Variants in NECAB1 observed in about 807,000 individuals in gnomAD.
NECAB1 encodes the protein N-terminal EF-hand calcium-binding protein 1.
NECAB1 carries 29 observed loss-of-function variants against 57.5 expected under a neutral mutation model. The ratio of observed to expected loss-of-function variants is 0.50; its 90% CI spans 0.38 to 0.69. NECAB1 has a LOEUF of 0.69. Among genes scored for constraint, NECAB1 ranks in the 30% least tolerant of loss-of-function variants. NECAB1 has a pLI of 0.00. For synonymous variants in NECAB1, 142 were observed against 147.7 expected, an observed-to-expected ratio of 0.96 and a Z score of 0.28; for missense variants, 372 against 413.8, an observed-to-expected ratio of 0.90 and a Z score of 0.88.
intron 3 of NECAB1, among the ~76,000 whole-genome samples, chr8:90,869,300 C>T (rs981225827): frequency 2.6e-5 from 4 of 152,224 alleles, no homozygotes; most frequent in African/African-American, 9.6e-5. Context: ...GGAGCCTCCA[C>T]ATAGAGTCCC....
intron 10 of NECAB1, among the ~76,000 whole-genome samples, chr8:90,942,658 C>T (rs924438385): frequency 2.0e-5 from 3 of 152,092 alleles, no homozygotes; most frequent in Non-Finnish European, 4.4e-5. Flanking sequence ...CCGAGGCAGG[C>T]AGATCACGAA....
At chr8:90,933,902 C>A (rs1193955258) in intron 8 of NECAB1, among the ~76,000 whole-genome samples, 1 of 151,812 alleles carries the variant, frequency 6.6e-6, no homozygotes, top group East Asian at 1.9e-4. Context: ...TAATGATGTC[C>A]CAAGAAATGT....
chr8:90,922,606 C>T (rs142795161), intron 6 of NECAB1, among the ~76,000 whole-genome samples: 2,476 of 149,704 alleles, frequency 0.017, 64 homozygotes, highest in East Asian at 0.14. Context: ...AATTCTCCTG[C>T]GTCAGACTCC....
intron 2 of NECAB1, among the ~76,000 whole-genome samples, chr8:90,810,840 G>A (rs985681501): frequency 5.9e-5 from 9 of 152,274 alleles, no homozygotes; most frequent in African/African-American, 2.2e-4. Context: ...GATTTGAGGT[G>A]GGGTAAGGGG....
intron 3 of NECAB1, among the ~76,000 whole-genome samples, chr8:90,861,687 A>G (rs1489279172): frequency 6.6e-6 from 1 of 152,210 alleles, no homozygotes; most frequent in African/African-American, 2.4e-5. Context: ...CATTGAATAT[A>G]TTAGGTTATT....
At chr8:90,926,867 T>TA (rs1412601250) in intron 7 of NECAB1, among the ~76,000 whole-genome samples, 2 of 152,196 alleles carry the variant, frequency 1.3e-5, no homozygotes, top group African/African-American at 2.4e-5. Context: ...TCATTCATTA[T>TA]AATAGGAGAT....
chr8:90,792,287 T>G (rs1023582806), intron 1 of NECAB1, among the ~76,000 whole-genome samples: 5 of 152,170 alleles, frequency 3.3e-5, no homozygotes, highest in African/African-American at 4.8e-5. Context: ...ATAGGACATT[T>G]TAAAGAGGCA....
intron 5 of NECAB1, among the ~76,000 whole-genome samples, chr8:90,898,721 C>T (rs1193774638): frequency 2.0e-5 from 3 of 152,200 alleles, no homozygotes; most frequent in Non-Finnish European, 4.4e-5. Flanking sequence ...TACATGTTGA[C>T]CACAGTGCAT....
At chr8:90,802,413 TG>T (rs769572625) in intron 2 of NECAB1, among the ~76,000 whole-genome samples, 21 of 152,366 alleles carry the variant, frequency 1.4e-4, no homozygotes, top group Non-Finnish European at 2.1e-4. Flanking sequence ...CTAGAAACTT[TG>T]TCCCAGAGAA....
chr8:90,811,109 G>A (rs1018595250), intron 2 of NECAB1, among the ~76,000 whole-genome samples: 3 of 151,874 alleles, frequency 2.0e-5, no homozygotes, highest in African/African-American at 4.8e-5. Flanking sequence ...CACCATGCCC[G>A]GCTAATTTTT....
At chr8:90,839,283 T>C (rs1338188476) in intron 3 of NECAB1, among the ~76,000 whole-genome samples, 14 of 152,140 alleles carry the variant, frequency 9.2e-5, no homozygotes. Flanking sequence ...GAGGACACCG[T>C]TAAATTTGAA....
chr8:90,895,856 TC>T (rs1181620966), intron 5 of NECAB1, among the ~76,000 whole-genome samples: 1 of 152,242 alleles, frequency 6.6e-6, no homozygotes, highest in East Asian at 1.9e-4. Context: ...GGGACTGTTT[TC>T]CTTCCTTTAA....
At chr8:90,930,186 G>A (rs1247966585) in intron 8 of NECAB1, among the ~76,000 whole-genome samples, 2 of 152,164 alleles carry the variant, frequency 1.3e-5, no homozygotes, top group African/African-American at 4.8e-5. Flanking sequence ...ACTGAACCCA[G>A]TGAAATCAGG....
chr8:90,855,711 G>A (rs111615202), intron 3 of NECAB1, among the ~76,000 whole-genome samples: 1 of 152,144 alleles, frequency 6.6e-6, no homozygotes, highest in African/African-American at 2.4e-5. Context: ...TACCATGACT[G>A]TTTCCTCTGG....
chr8:90,897,808 A>G (rs926481241), intron 5 of NECAB1, among the ~76,000 whole-genome samples: 13 of 152,338 alleles, frequency 8.5e-5, no homozygotes, highest in African/African-American at 3.1e-4. Flanking sequence ...TGCTTGTGGC[A>G]AGTGTATTGG....
intron 2 of NECAB1, among the ~76,000 whole-genome samples, chr8:90,823,884 T>C (rs948361943): frequency 6.6e-6 from 1 of 151,758 alleles, no homozygotes; most frequent in Non-Finnish European, 1.5e-5. Context: ...CATCCATTCG[T>C]TTCTCTAGGT....
At chr8:90,929,731 A>G (rs1810362046) in intron 8 of NECAB1, among the ~76,000 whole-genome samples, 2 of 152,216 alleles carry the variant, frequency 1.3e-5, no homozygotes, top group South Asian at 4.1e-4. Flanking sequence ...AGTTGGAATA[A>G]ATGCTGATAA....
intron 2 of NECAB1, among the ~76,000 whole-genome samples, chr8:90,813,944 A>G (rs1166392987): frequency 2.0e-5 from 3 of 152,222 alleles, no homozygotes; most frequent in Admixed American, 6.5e-5. Flanking sequence ...GTTGTAACTG[A>G]TAAATCTATG....
chr8:90,817,192 G>C (rs553129311), intron 2 of NECAB1, among the ~76,000 whole-genome samples: 1 of 151,700 alleles, frequency 6.6e-6, no homozygotes, highest in East Asian at 1.9e-4. Context: ...TTTAACTCTA[G>C]GGTTTTTGTT....
Sources: allele counts gnomAD v4.1 joint callset (sites outside exome capture counted in the v4.1 genomes callset), GRCh38; gene constraint gnomAD v4.1.1; transcripts MANE v1.5; gene names NCBI Gene and HGNC (gene_info 2026-07-23, HGNC 2026-07-21).